SMOC1: variants seen among roughly 807,000 people sequenced by gnomAD.
The protein encoded by SMOC1 is SPARC-related modular calcium-binding protein 1.
SMOC1 carries 22 observed loss-of-function variants against 56.3 expected under a neutral mutation model. That is an observed-to-expected ratio of 0.39 (90% CI 0.28 to 0.56). The LOEUF is 0.56. Ranked by LOEUF, SMOC1 falls within the 20% of genes least tolerant of loss-of-function variation. SMOC1 has a pLI of 0.61. For missense variants in SMOC1, 509 were observed against 565.4 expected (o/e 0.90, Z 1.01); for synonymous variants, 193 against 215.0 (o/e 0.90, Z 0.89).
intron 1 of SMOC1, among the ~76,000 whole-genome samples, chr14:69,949,118 C>A (rs906292200): frequency 6.6e-6 from 1 of 152,242 alleles, no homozygotes; most frequent in Non-Finnish European, 1.5e-5. Flanking sequence ...CAGCTCAAGA[C>A]ACTCCTGATG....
At chr14:69,889,765 G>A (rs947950704) in intron 1 of SMOC1, among the ~76,000 whole-genome samples, 1 of 152,180 alleles carries the variant, frequency 6.6e-6, no homozygotes, top group African/African-American at 2.4e-5. Flanking sequence ...AGCTCTAGGA[G>A]AGAATCTATT....
At chr14:69,994,359 C>T (rs1480240540) in intron 6 of SMOC1, 41 bp from the exon 7 acceptor site, 1 of 1,513,074 alleles carries the variant, frequency 6.6e-7, no homozygotes, top group Non-Finnish European at 9.2e-7. Context: ...CACATAGTCT[C>T]TTTGCCCAGA....
rs1245878694 is a variant in SMOC1, at chr14:69,923,064, C to T, written c.100-29074C>T. Among the ~76,000 whole-genome samples, 11 of 152,196 alleles carry T rather than the reference C, an allele frequency of 7.2e-5. 1 individual carries two copies. Among genetic ancestry groups the T allele is most frequent in the Admixed American group, 7.2e-4 (11 of 15,294 alleles). ...GGTTCACGCCATTCTCCTGCCTCAG[C>T]CTCCCGAGTAGCTGGGACTACAGGC... On this transcript the variant is annotated intron_variant, in intron 1 of 11. Transcript: ENST00000361956.
At chr14:70,011,454 C>A in intron 8 of SMOC1, 31 bp from the exon 9 acceptor site, 24 of 1,221,928 alleles carry the variant, frequency 2.0e-5, no homozygotes, top group South Asian at 4.8e-5. Flanking sequence ...GCCAGCCCCT[C>A]CCAACCCCCC....
Position 70,011,530 on chromosome 14 carries a change from A to G in SMOC1, c.903A>G (p.Thr301=). ...SCESDARAKT[T]EADDPFKDRE... ...AGAGCGACGCCAGGGCCAAGACTACAGAGGCGGATGACCCCTTCAAGGACA... is the reference window on the plus strand; with the variant it reads ...AGAGCGACGCCAGGGCCAAGACTACGGAGGCGGATGACCCCTTCAAGGACA... Residue 301 remains threonine (T), a synonymous_variant, in exon 9 of 12, where the codon ACA becomes ACG. Transcript: ENST00000361956. The G allele has an allele frequency of 6.2e-7, 1 of 1,612,608 alleles. No homozygotes were observed.
chr14:69,976,511 T>C (rs61977388), intron 4 of SMOC1, among the ~76,000 whole-genome samples: 5,047 of 152,308 alleles, frequency 0.033, 120 homozygotes, highest in Non-Finnish European at 0.05. Flanking sequence ...TCCATTGGGT[T>C]AGGCCATAGC....
chr14:69,983,761 T>C (rs1884265306), intron 5 of SMOC1, among the ~76,000 whole-genome samples: 2 of 152,192 alleles, frequency 1.3e-5, no homozygotes, highest in African/African-American at 4.8e-5. Flanking sequence ...TGCTCCCTGC[T>C]CCCGGCCTAA....
intron 8 of SMOC1, 49 bp from the exon 9 acceptor site, chr14:70,011,436 G>T (rs769004024): frequency 6.5e-7 from 1 of 1,529,924 alleles, no homozygotes; most frequent in Non-Finnish European, 9.0e-7. Context: ...ACTGAAGTAG[G>T]CTCAGTTGCC....
chr14:69,943,830 T>C (rs1882674870), intron 1 of SMOC1, among the ~76,000 whole-genome samples: 1 of 152,236 alleles, frequency 6.6e-6, no homozygotes, highest in East Asian at 1.9e-4. Flanking sequence ...TCTCCTCTTC[T>C]GTTCTCCTGG....
chr14:69,884,130 T>A (rs1043571441), intron 1 of SMOC1, among the ~76,000 whole-genome samples: 2 of 151,752 alleles, frequency 1.3e-5, no homozygotes, highest in African/African-American at 4.8e-5. Flanking sequence ...ATGGTCTCGA[T>A]CTCCCGACCT....
chr14:69,881,708 G>C (rs1361187707), intron 1 of SMOC1, among the ~76,000 whole-genome samples: 1 of 151,920 alleles, frequency 6.6e-6, no homozygotes, highest in Non-Finnish European at 1.5e-5. Flanking sequence ...ACACATCTTG[G>C]TGTGTTTAGA....
rs146013387 is a variant in SMOC1, at chr14:69,907,455, C to A, written c.99+27678C>A. Among the ~76,000 whole-genome samples, 22 of 152,090 alleles carry A rather than the reference C, an allele frequency of 1.4e-4. No individual in the cohort carries two copies. The East Asian group carries it at 4.2e-3, about 29-fold the overall frequency. On this transcript the variant is annotated intron_variant, in intron 1 of 11. Coordinates refer to ENST00000361956, the MANE Select transcript of SMOC1 (RefSeq NM_001034852.3). The stretch of plus-strand genomic sequence containing the variant: ...AATTTTACCTTTCTGAGTCTTCTAC[C>A]CATTGATCCTAGTTCTCCCTTTGTA...
chr14:69,925,906 G>A (rs1437034948), intron 1 of SMOC1, among the ~76,000 whole-genome samples: 1 of 152,152 alleles, frequency 6.6e-6, no homozygotes, highest in Non-Finnish European at 1.5e-5. Flanking sequence ...ACGAAAGACA[G>A]ACACATCTGG....
intron 1 of SMOC1, among the ~76,000 whole-genome samples, chr14:69,943,727 T>C (rs1025659746): frequency 2.0e-5 from 3 of 152,202 alleles, no homozygotes; most frequent in Non-Finnish European, 4.4e-5. Flanking sequence ...TTTTAGTACT[T>C]GAGTTCTAAA....
intron 1 of SMOC1, among the ~76,000 whole-genome samples, chr14:69,901,019 C>T (rs1287566390): frequency 4.6e-5 from 7 of 152,234 alleles, no homozygotes; most frequent in African/African-American, 1.2e-4. Flanking sequence ...AACTGGGCAG[C>T]TGCAGTTCTA....
chr14:69,968,319 G>A (rs1883643585), intron 3 of SMOC1, among the ~76,000 whole-genome samples: 1 of 152,200 alleles, frequency 6.6e-6, no homozygotes, highest in South Asian at 2.1e-4. Flanking sequence ...GAATGCAGAA[G>A]CTCTGTGGGT....
chr14:69,885,813 T>C, intron 1 of SMOC1: 3 of 1,598,924 alleles, frequency 1.9e-6, no homozygotes, highest in Non-Finnish European at 2.6e-6. Flanking sequence ...CTCTGCTTCT[T>C]CTCTTGCTTT....
At chr14:69,917,119 T>A (rs1382597543) in intron 1 of SMOC1, among the ~76,000 whole-genome samples, 1 of 152,246 alleles carries the variant, frequency 6.6e-6, no homozygotes, top group African/African-American at 2.4e-5. Flanking sequence ...ATGTATCTCA[T>A]TTCATCTTGT....
chr14:69,996,416 T>C (rs753591130), intron 7 of SMOC1, among the ~76,000 whole-genome samples: 22 of 152,192 alleles, frequency 1.4e-4, no homozygotes, highest in Non-Finnish European at 3.1e-4. Context: ...TAGGGAGTGG[T>C]TGGGCTGGAG....
Sources: allele counts gnomAD v4.1 joint callset (sites outside exome capture counted in the v4.1 genomes callset), GRCh38; gene constraint gnomAD v4.1.1; transcripts MANE v1.5; gene names NCBI Gene and HGNC (gene_info 2026-07-23, HGNC 2026-07-21).